XRRA1: variants seen among roughly 807,000 people sequenced by gnomAD.
The protein encoded by XRRA1 is X-ray radiation resistance associated 1.
A neutral mutation model predicts 80.2 loss-of-function variants in XRRA1; 69 were observed. The observed-to-expected ratio is 0.86, with a 90% confidence interval of 0.71 to 1.05. The LOEUF is 1.05. XRRA1 is among the 50% of genes least tolerant of loss of function. XRRA1 has a pLI of 0.00. For synonymous variants in XRRA1, 348 were observed against 389.9 expected, an observed-to-expected ratio of 0.89 and a Z score of 1.27; for missense variants, 967 against 976.4, an observed-to-expected ratio of 0.99 and a Z score of 0.13.
chr11:74,863,220 G>C (rs527271663), intron 10 of XRRA1, 199 bp from the exon 11 acceptor site: 15 of 623,344 alleles, frequency 2.4e-5, no homozygotes, highest in South Asian at 2.0e-4. Flanking sequence ...TTTGCACTTA[G>C]GATAAAATAC....
intron 1 of XRRA1, among the ~76,000 whole-genome samples, 191 bp from the exon 2 acceptor site, chr11:74,945,276 G>C (rs533160960): frequency 6.6e-6 from 1 of 152,290 alleles, no homozygotes; most frequent in East Asian, 1.9e-4. Context: ...GACATAGATG[G>C]GAAGGTGGTA....
chr11:74,890,360 A>G (rs1054500122), intron 10 of XRRA1, among the ~76,000 whole-genome samples: 3 of 152,266 alleles, frequency 2.0e-5, no homozygotes, highest in Admixed American at 2.0e-4. Flanking sequence ...CAATGAGAAC[A>G]AAGACACAAC....
At position 74,851,265 on chromosome 11, in the gene XRRA1, G is replaced by A. The variant is rs2039764168; in HGVS notation, c.1265-62C>T. ...TAAAATTTATACTGGGGCTTACTAT[G>A]TGCCAGGCACTATTCAAATTGCTTT... On this transcript the variant is annotated intron_variant, in intron 13 of 18. Transcript: ENST00000684022. 3.9e-6 allele frequency: 5 copies of A among 1,279,142 alleles called. No homozygotes were observed. The South Asian group carries it at 5.6e-5, about 14-fold the overall frequency. 79.2% of individuals were successfully genotyped at this position (1,279,142 alleles called of 1,614,324 possible). A position where few individuals can be genotyped will look rare whatever the true frequency, so the allele number is the denominator to read the frequency against.
chr11:74,912,589 A>G (rs1014268732), intron 8 of XRRA1, among the ~76,000 whole-genome samples: 3 of 152,186 alleles, frequency 2.0e-5, no homozygotes, highest in Admixed American at 1.3e-4. Flanking sequence ...CGTTGCAGAG[A>G]CTGAAGACTA....
At chr11:74,903,507 T>C (rs2053966143) in intron 10 of XRRA1, among the ~76,000 whole-genome samples, 1 of 152,124 alleles carries the variant, frequency 6.6e-6, no homozygotes, top group Non-Finnish European at 1.5e-5. Context: ...ATCGAGACCA[T>C]CCTGGCTAAC....
At chr11:74,923,131 C>T (rs1941326985) in intron 7 of XRRA1, among the ~76,000 whole-genome samples, 5 of 152,222 alleles carry the variant, frequency 3.3e-5, no homozygotes, top group Admixed American at 3.3e-4. Flanking sequence ...AACATGTGAG[C>T]TGTCCTCAGA....
chr11:74,906,263 TGG>T lies in XRRA1; in HGVS notation c.977_978del (p.Pro326HisfsTer6). On this transcript the variant is annotated frameshift_variant, in exon 10 of 19. Coordinates refer to ENST00000684022, the MANE Select transcript of XRRA1 (RefSeq NM_001378157.1). LOFTEE classifies it high-confidence loss of function. ...SDEQLDYTVL[P>X]MKKDVDRTEV... ...CCTGTCCGGTCAACATCCTTTTTCA[TGG>T]GCAGTACAGTATAATCCAGTTGCTC... 1.2e-6 allele frequency: 2 copies of T among 1,613,602 alleles called. No individual in the cohort carries two copies. The highest frequency in any genetic ancestry group is 1.7e-6 in the Non-Finnish European group (2 of 1,179,724).
At chr11:74,844,985 G>A in intron 16 of XRRA1, 88 bp downstream of exon 16, 1 of 1,377,062 alleles carries the variant, frequency 7.3e-7, no homozygotes, top group Non-Finnish European at 1.0e-6. Flanking sequence ...GGAAAAGACA[G>A]CTTGGTGCCA....
chr11:74,930,358 G>A lies in XRRA1; in HGVS notation c.366C>T (p.Asp122=). The change falls in exon 6 of 19, where the codon GAC becomes GAT. Residue 122 remains aspartate, a synonymous_variant. Transcript: ENST00000684022. Reference sequence around the variant, plus strand: ...AAATCACAGAATGAAAATGCTTGAAGTCATTTTCCTTGGCCTGTAGGAAAG... The same window carrying A: ...AAATCACAGAATGAAAATGCTTGAAATCATTTTCCTTGGCCTGTAGGAAAG... ...GLKFSKAKEN[D]FKHFHSVIYI... is the part of the protein sequence containing the mutation. 6.4e-7 allele frequency: 1 copy of A among 1,561,306 alleles called. No individual in the cohort carries two copies. Among genetic ancestry groups the A allele is most frequent in the Non-Finnish European group, 8.7e-7 (1 of 1,151,656 alleles).
At chr11:74,882,215 ATTC>A (rs1407868900) in intron 10 of XRRA1, among the ~76,000 whole-genome samples, 1 of 151,588 alleles carries the variant, frequency 6.6e-6, no homozygotes, top group East Asian at 1.9e-4. Context: ...ATTTCTTTTT[ATTC>A]TTTTTTCTCT....
intron 14 of XRRA1, among the ~76,000 whole-genome samples, chr11:74,849,422 T>A (rs529451386): frequency 7.2e-5 from 11 of 152,312 alleles, no homozygotes; most frequent in Admixed American, 3.9e-4. Context: ...AAAAAATGTA[T>A]TTCCTTTTGG....
rs1476978101 is a variant in XRRA1 at position 74,844,244 on chromosome 11, T to C, written c.1967A>G (p.Lys656Arg). Residue 656 changes from lysine (K) to arginine (R), a missense_variant, in exon 17 of 19, where the codon AAG becomes AGG. Coordinates refer to ENST00000684022, the MANE Select transcript of XRRA1 (RefSeq NM_001378157.1). ...GGAGGAGTGGCACAGGAGTGGGTGC[T>C]TCAGCATTTGTTGCAGGGCTTGTGC... ...KNAQALQQMLKHPLLCHSSKP... is the reference protein window; with the variant it reads ...KNAQALQQMLRHPLLCHSSKP... 5.6e-6 allele frequency: 9 copies of C among 1,613,490 alleles called. No homozygotes were observed. The highest frequency in any genetic ancestry group is 7.6e-6 in the Non-Finnish European group (9 of 1,179,836).
At chr11:74,893,879 A>G (rs2051496441) in intron 10 of XRRA1, among the ~76,000 whole-genome samples, 1 of 152,266 alleles carries the variant, frequency 6.6e-6, no homozygotes, top group Admixed American at 6.5e-5. Flanking sequence ...TATTGGATCC[A>G]GCAATACCAC....
intron 10 of XRRA1, among the ~76,000 whole-genome samples, chr11:74,876,079 GT>G (rs2045985462): frequency 6.6e-6 from 1 of 152,142 alleles, no homozygotes; most frequent in Non-Finnish European, 1.5e-5. Flanking sequence ...TAATAAAAGT[GT>G]TTGTTACTTA....
chr11:74,875,128 T>A (rs2045754550), intron 10 of XRRA1, among the ~76,000 whole-genome samples: 1 of 152,194 alleles, frequency 6.6e-6, no homozygotes, highest in Non-Finnish European at 1.5e-5. Context: ...TAAAATACCA[T>A]CAGGAAATTA....
rs749761321 is a variant in XRRA1 at position 74,843,155 on chromosome 11, G to C, written c.*45C>G. On this transcript the variant is annotated 3_prime_UTR_variant, in exon 19 of 19. Coordinates refer to ENST00000684022, the MANE Select transcript of XRRA1 (RefSeq NM_001378157.1). ...CCAGGGCACAGAGCCCTCGGGGAGA[G>C]CTGGGGCACAGGCCGGGTGGTGCAC... 58 of 1,518,880 alleles carry C rather than the reference G, an allele frequency of 3.8e-5. No homozygotes were observed. Among genetic ancestry groups the C allele is most frequent in the Non-Finnish European group, 5.1e-5 (58 of 1,129,122 alleles). 94.1% of individuals were successfully genotyped at this position (1,518,880 alleles called of 1,614,324 possible).
chr11:74,860,028 G>A (rs897966514), intron 11 of XRRA1, among the ~76,000 whole-genome samples: 1 of 152,142 alleles, frequency 6.6e-6, no homozygotes, highest in Non-Finnish European at 1.5e-5. Context: ...GGTAGATGCT[G>A]GGCTAATGGT....
intron 8 of XRRA1, among the ~76,000 whole-genome samples, chr11:74,917,569 C>T (rs1939123699): frequency 6.6e-6 from 1 of 152,078 alleles, no homozygotes; most frequent in Non-Finnish European, 1.5e-5. Flanking sequence ...ATCTACTATA[C>T]CAATTAGATA....
intron 5 of XRRA1, among the ~76,000 whole-genome samples, chr11:74,930,824 G>T (rs902548047): frequency 3.9e-4 from 59 of 152,138 alleles, no homozygotes; most frequent in African/African-American, 1.4e-3. Flanking sequence ...TTGTTTTTGA[G>T]ACAGGGTCTC....
Sources: gnomAD v4.1 joint callset for allele counts (sites outside exome capture counted in the v4.1 genomes callset) on GRCh38, gnomAD v4.1.1 for gene constraint, MANE v1.5 for transcripts, NCBI Gene and HGNC (gene_info 2026-07-23, HGNC 2026-07-21) for gene names.